Variants in TBPL2 observed in about 807,000 individuals in gnomAD.
TBPL2 encodes TATA box-binding protein-like 2.
In TBPL2, 40 loss-of-function variants were observed where a neutral mutation model predicts 38.2. That is an observed-to-expected ratio of 1.05 (90% CI 0.81 to 1.36). The LOEUF is 1.36. Among genes scored for constraint, TBPL2 ranks in the 40% most tolerant of loss-of-function variants. The pLI is 0.00. For missense variants in TBPL2, 461 were observed against 456.7 expected (o/e 1.01, Z -0.09); for synonymous variants, 169 against 171.7 (o/e 0.98, Z 0.12).
intron 5 of TBPL2, among the ~76,000 whole-genome samples, chr14:55,425,366 A>T (rs866091714): frequency 1.3e-5 from 2 of 152,210 alleles, no homozygotes; most frequent in Non-Finnish European, 1.5e-5. Flanking sequence ...AAGGCTGGAG[A>T]CACAAAAAGA....
intron 6 of TBPL2, among the ~76,000 whole-genome samples, chr14:55,417,390 A>T (rs1885684072): frequency 6.6e-6 from 1 of 151,464 alleles, no homozygotes; most frequent in African/African-American, 2.4e-5. Flanking sequence ...TCCTATTAAT[A>T]ATCAATCAAT....
chr14:55,419,623 T>G (rs1189892026), intron 6 of TBPL2, among the ~76,000 whole-genome samples: 1 of 152,198 alleles, frequency 6.6e-6, no homozygotes, highest in Non-Finnish European at 1.5e-5. Context: ...TTCAGCTTAC[T>G]TGACTATAAT....
rs779114330 is a variant in TBPL2 at position 55,436,914 on chromosome 14, AG to A, written c.254del (p.Pro85LeufsTer62). The A allele has an allele frequency of 1.2e-6, 2 of 1,614,224 alleles. No homozygotes were observed. Among genetic ancestry groups the A allele is most frequent in the Admixed American group, 1.7e-5 (1 of 60,028 alleles). On this transcript the variant is annotated frameshift_variant, in exon 2 of 7. Coordinates refer to ENST00000247219, the Ensembl canonical transcript of TBPL2. LOFTEE classifies it high-confidence loss of function. ...AATCACCAGATGTTTCTTTGACTTC[AG>A]GGTTCGAATTAAATGCAGTATCCGG...
chr14:55,439,447 C>T (rs1422550926), intron 1 of TBPL2, among the ~76,000 whole-genome samples: 2 of 152,050 alleles, frequency 1.3e-5, no homozygotes, highest in East Asian at 3.9e-4. Flanking sequence ...CCGTGGGAAC[C>T]TGAAGTCACT....
intron 2 of TBPL2, among the ~76,000 whole-genome samples, chr14:55,436,179 C>A (rs987910395): frequency 5.9e-5 from 9 of 151,990 alleles, no homozygotes; most frequent in Non-Finnish European, 1.2e-4. Flanking sequence ...TTTTTCAAAA[C>A]AATGCCTCAA....
Position 55,428,770 on chromosome 14 carries a change from T to C in TBPL2, c.956+37A>G, listed in dbSNP as rs776849677. 1.4e-5 allele frequency: 22 copies of C among 1,579,260 alleles called. No individual in the cohort carries two copies. In the East Asian group the frequency reaches 5.0e-4, roughly 36 times the overall value. On this transcript the variant is annotated intron_variant, in intron 5 of 6. Transcript: ENST00000247219. ...AACCCATAATGTAACTTAAATATCT[T>C]GGTAAATTCAAAGTTCAAGCTATAT...
chr14:55,428,763 A>C (rs1885873160), intron 5 of TBPL2, 44 bp downstream of exon 5: 1 of 1,572,850 alleles, frequency 6.4e-7, no homozygotes, highest in African/African-American at 1.4e-5. Context: ...ATGTAACTTA[A>C]ATATCTTGGT....
chr14:55,439,042 A>G (rs1279579097), intron 1 of TBPL2: 2 of 151,174 alleles, frequency 1.3e-5, no homozygotes, highest in African/African-American at 4.9e-5. Flanking sequence ...GATGCAAGCA[A>G]TTCTCCTGCC....
chr14:55,423,343 C>T (rs1481813198), intron 6 of TBPL2, among the ~76,000 whole-genome samples: 1 of 152,162 alleles, frequency 6.6e-6, no homozygotes, highest in Non-Finnish European at 1.5e-5. Context: ...AACAATTGGG[C>T]GATTTGTTCT....
intron 4 of TBPL2, among the ~76,000 whole-genome samples, chr14:55,431,338 GTGTGTAATA>G (rs754858035): frequency 6.6e-6 from 1 of 152,216 alleles, no homozygotes; most frequent in Non-Finnish European, 1.5e-5. Flanking sequence ...ACTCATGAAT[GTGTGTAATA>G]TGTGTAACAT....
intron 3 of TBPL2, among the ~76,000 whole-genome samples, chr14:55,435,374 C>T (rs911468817): frequency 8.0e-5 from 12 of 149,502 alleles, no homozygotes; most frequent in African/African-American, 2.7e-4. Flanking sequence ...CTCCTGGGTT[C>T]AAGTGATTCT....
At chr14:55,427,478 C>G (rs1210511209) in intron 5 of TBPL2, among the ~76,000 whole-genome samples, 1 of 152,036 alleles carries the variant, frequency 6.6e-6, no homozygotes, top group Non-Finnish European at 1.5e-5. Context: ...CAATATGATC[C>G]CTATCTACTC....
chr14:55,432,213 G>T (rs1355310739), intron 4 of TBPL2, among the ~76,000 whole-genome samples: 2 of 146,360 alleles, frequency 1.4e-5, no homozygotes, highest in Non-Finnish European at 3.0e-5. Context: ...TTCGAGACCA[G>T]CCTGGGCAAT....
intron 1 of TBPL2, among the ~76,000 whole-genome samples, chr14:55,439,062 C>T (rs7146269): frequency 0.52 from 78,586 of 150,916 alleles, 20,624 homozygotes; most frequent in East Asian, 0.65. Context: ...CTCAGCCTCC[C>T]GAGTAGCTGG....
chr14:55,436,924 T>C (rs374093327), exon 2 of TBPL2: 5 of 1,614,116 alleles, frequency 3.1e-6, no homozygotes, highest in Non-Finnish European at 4.2e-6. Context: ...AGGGTTCGAA[T>C]TAAATGCAGT....
chr14:55,439,621 C>T (rs189084179), intron 1 of TBPL2, among the ~76,000 whole-genome samples: 2 of 138,112 alleles, frequency 1.4e-5, no homozygotes, highest in Non-Finnish European at 3.2e-5. Context: ...CAAACCCCCC[C>T]CCGTCTCTAC....
chr14:55,440,470 G>A (rs754680229), exon 1 of TBPL2: 4 of 1,611,866 alleles, frequency 2.5e-6, no homozygotes, highest in African/African-American at 1.3e-5. Context: ...CCCACTGTTG[G>A]GGGTGGGGGC....
chr14:55,425,961 C>G (rs1234457172), intron 5 of TBPL2, among the ~76,000 whole-genome samples: 3 of 152,118 alleles, frequency 2.0e-5, no homozygotes, highest in Admixed American at 6.6e-5. Flanking sequence ...TATCAGGATA[C>G]CTTTGAATTA....
At chr14:55,429,590 G>A (rs756897176) in intron 4 of TBPL2, among the ~76,000 whole-genome samples, 2 of 151,840 alleles carry the variant, frequency 1.3e-5, no homozygotes, top group Non-Finnish European at 2.9e-5. Flanking sequence ...ATGATGAAAC[G>A]CTGTCTCTAC....
Sources: allele counts gnomAD v4.1 joint callset (sites outside exome capture counted in the v4.1 genomes callset), GRCh38; gene constraint gnomAD v4.1.1; transcripts MANE v1.5; gene names NCBI Gene and HGNC (gene_info 2026-07-23, HGNC 2026-07-21).